The following LARP6 variants were observed in gnomAD, a reference collection of about 807,000 sequenced individuals.
LARP6 encodes La ribonucleoprotein 6, translational regulator, also known as la-related protein 6.
A neutral mutation model predicts 32.8 loss-of-function variants in LARP6; 18 were observed. That is an observed-to-expected ratio of 0.55 (90% CI 0.38 to 0.81). LARP6 has a LOEUF of 0.81. Among genes scored for constraint, LARP6 ranks in the 40% least tolerant of loss-of-function variants. The pLI is 0.00. For synonymous variants in LARP6, 289 were observed against 267.2 expected, an observed-to-expected ratio of 1.08 and a Z score of -0.80; for missense variants, 598 against 663.1, an observed-to-expected ratio of 0.90 and a Z score of 1.08.
At chr15:70,851,576 A>G in intron 1 of LARP6, 1 of 1,577,284 alleles carries the variant, frequency 6.3e-7, no homozygotes, top group South Asian at 1.2e-5. Context: ...GGGAAACACA[A>G]ATATCTCAAC....
At chr15:70,834,974 T>C (rs1279892894) in intron 2 of LARP6, among the ~76,000 whole-genome samples, 1 of 152,168 alleles carries the variant, frequency 6.6e-6, no homozygotes. Flanking sequence ...AGAAGAACAT[T>C]CCTAAATAGG....
intron 1 of LARP6, chr15:70,853,573 C>G (rs895537703): frequency 2.3e-5 from 5 of 218,396 alleles, no homozygotes; most frequent in Non-Finnish European, 3.6e-5. Context: ...GAGGCCTCCT[C>G]CAGAGGAGGG....
chr15:70,830,412 C>T lies in LARP6; in HGVS notation c.*1640G>A, dbSNP rs527442883. On this transcript the variant is annotated 3_prime_UTR_variant, in exon 3 of 3. Transcript: ENST00000299213. ...AATGTGTCTAACCCAATGCCTAGCA[C>T]GTAGGAAGGTGCTGAATAAATATTA... 16 of 152,238 alleles carry T rather than the reference C, an allele frequency of 1.1e-4. No individual in the cohort carries two copies. Among genetic ancestry groups the T allele is most frequent in the East Asian group, 3.9e-4 (2 of 5,174 alleles). The allele number at this position is 152,238 out of a possible 1,614,324, so 9.4% of individuals were successfully genotyped here.
chr15:70,853,435 G>A (rs2141062644), intron 1 of LARP6: 1 of 153,636 alleles, frequency 6.5e-6, no homozygotes, highest in Non-Finnish European at 1.4e-5. Flanking sequence ...CAGCCAGCAG[G>A]ACTGGGAAAG....
chr15:70,854,140 A>G lies in LARP6; in HGVS notation c.-52T>C, dbSNP rs778925376. The G allele has an allele frequency of 4.2e-6, 5 of 1,197,452 alleles. No homozygotes were observed. The South Asian group carries it at 1.2e-4, about 28-fold the overall frequency. The allele number at this position is 1,197,452 out of a possible 1,614,324, so 74.2% of individuals were successfully genotyped here. On this transcript the variant is annotated 5_prime_UTR_variant, in exon 1 of 3. Coordinates refer to ENST00000299213, the MANE Select transcript of LARP6 (RefSeq NM_018357.4). ...GGTCCTCACGCCGCAAGGCCCAGCC[A>G]GCCGGTCGGCAGCGACTGCGACGAG...
intron 1 of LARP6, chr15:70,851,522 T>C: frequency 6.8e-7 from 1 of 1,481,124 alleles, no homozygotes; most frequent in East Asian, 2.5e-5. Flanking sequence ...CAAAAAGGAA[T>C]AAGATAAGGC....
At chr15:70,844,447 T>C (rs1037321758) in intron 1 of LARP6, among the ~76,000 whole-genome samples, 6 of 152,222 alleles carry the variant, frequency 3.9e-5, no homozygotes, top group East Asian at 3.8e-4. Context: ...TGGTTCATAA[T>C]ATTTCATTCC....
intron 1 of LARP6, chr15:70,851,329 T>C (rs2032444492): frequency 4.1e-6 from 2 of 482,788 alleles, no homozygotes; most frequent in South Asian, 6.0e-5. Flanking sequence ...TATTTTTTCA[T>C]ATTTTCTTTA....
At chr15:70,851,177 A>G (rs1294348575) in intron 1 of LARP6, among the ~76,000 whole-genome samples, 2 of 152,226 alleles carry the variant, frequency 1.3e-5, no homozygotes, top group African/African-American at 4.8e-5. Context: ...AGGAGTTACA[A>G]AATGAAGTAT....
chr15:70,852,018 A>G (rs950735629), intron 1 of LARP6: 2 of 415,876 alleles, frequency 4.8e-6, no homozygotes, highest in Non-Finnish European at 9.1e-6. Context: ...CAATGGGCTG[A>G]GGAGATGATG....
rs1567024222 is a variant in LARP6, at chr15:70,851,591, TTGAG to T, written c.200+2294_200+2297del. 3.8e-6 allele frequency: 6 copies of T among 1,594,096 alleles called. No homozygotes were observed. In the Admixed American group the frequency reaches 6.9e-5, roughly 18 times the overall value. On this transcript the variant is annotated intron_variant, in intron 1 of 2. Coordinates refer to ENST00000299213, the MANE Select transcript of LARP6 (RefSeq NM_018357.4). Reference sequence around the variant, plus strand: ...GGGAAACACAAATATCTCAACACCATTGAGTGAGTGTGATGATAGAGATACGCAT... The same window carrying T: ...GGGAAACACAAATATCTCAACACCATTGAGTGTGATGATAGAGATACGCAT...
chr15:70,846,654 T>TACATACATAATA (rs2032352495), intron 1 of LARP6, among the ~76,000 whole-genome samples: 4 of 83,772 alleles, frequency 4.8e-5, no homozygotes, highest in Admixed American at 1.5e-4. Flanking sequence ...ACATACATAA[T>TACATACATAATA]AAAAAAAAAA....
At position 70,831,988 on chromosome 15, in the gene LARP6, G is replaced by A; in HGVS notation, c.*64C>T. On this transcript the variant is annotated 3_prime_UTR_variant, in exon 3 of 3. Transcript: ENST00000299213. ...CGAATTCCATTCTGTCATGCCAGGTGTTTGTCAGAACCTTGAAAACGAAGG... is the reference window on the plus strand; with the variant it reads ...CGAATTCCATTCTGTCATGCCAGGTATTTGTCAGAACCTTGAAAACGAAGG... 2 of 1,166,740 alleles carry A rather than the reference G, an allele frequency of 1.7e-6. No individual in the cohort carries two copies. Among genetic ancestry groups the A allele is most frequent in the Non-Finnish European group, 2.4e-6 (2 of 839,878 alleles). The allele number at this position is 1,166,740 out of a possible 1,614,324, so 72.3% of individuals were successfully genotyped here.
chr15:70,846,980 T>C (rs983535149), intron 1 of LARP6, among the ~76,000 whole-genome samples: 3 of 152,258 alleles, frequency 2.0e-5, no homozygotes, highest in Non-Finnish European at 2.9e-5. Context: ...TATAGCTACT[T>C]GTGTGCACAT....
chr15:70,838,364 C>T (rs1424864981), intron 1 of LARP6, among the ~76,000 whole-genome samples: 2 of 152,138 alleles, frequency 1.3e-5, no homozygotes, highest in African/African-American at 2.4e-5. Context: ...GAGTGCCTAG[C>T]GTACCGTTAA....
intron 1 of LARP6, among the ~76,000 whole-genome samples, chr15:70,837,967 C>T (rs937077008): frequency 3.3e-5 from 5 of 152,252 alleles, no homozygotes; most frequent in South Asian, 2.1e-4. Context: ...CGAGTCTAAA[C>T]GCAAATTCAT....
chr15:70,837,724 C>T (rs1395793627), intron 1 of LARP6, among the ~76,000 whole-genome samples: 1 of 152,176 alleles, frequency 6.6e-6, no homozygotes, highest in Non-Finnish European at 1.5e-5. Context: ...ACTCTCAAGC[C>T]ATCTGCCTTG....
At chr15:70,851,299 T>C (rs2032443839) in intron 1 of LARP6, 1 of 263,342 alleles carries the variant, frequency 3.8e-6, no homozygotes, top group Admixed American at 5.0e-5. Context: ...AGATGATGGG[T>C]ATATGAATGC....
intron 1 of LARP6, chr15:70,851,946 A>G (rs2032472730): frequency 1.1e-5 from 6 of 563,830 alleles, no homozygotes; most frequent in South Asian, 8.3e-5. Context: ...ATAGCCCCCT[A>G]TGCTCAGGGA....
Sources: allele counts gnomAD v4.1 joint callset (sites outside exome capture counted in the v4.1 genomes callset), GRCh38; gene constraint gnomAD v4.1.1; transcripts MANE v1.5; gene names NCBI Gene and HGNC (gene_info 2026-07-23, HGNC 2026-07-21).